NUTF2: variants seen among roughly 807,000 people sequenced by gnomAD.
NUTF2 encodes the protein placental protein 15.
Under a neutral mutation model 18.5 loss-of-function variants are expected in NUTF2, and 3 were observed. The ratio of observed to expected loss-of-function variants is 0.16; its 90% CI spans 0.07 to 0.42. The LOEUF (loss-of-function observed/expected upper bound fraction) is 0.42. Among genes scored for constraint, NUTF2 ranks in the 10% least tolerant of loss-of-function variants. NUTF2 has a pLI of 0.99. For synonymous variants in NUTF2, 51 were observed against 57.9 expected, an observed-to-expected ratio of 0.88 and a Z score of 0.54; for missense variants, 44 against 160.7, an observed-to-expected ratio of 0.27 and a Z score of 3.93.
chr16:67,868,675 T>C, intron 4 of NUTF2, 76 bp downstream of exon 4: 1 of 1,328,632 alleles, frequency 7.5e-7, no homozygotes, highest in Non-Finnish European at 1.1e-6. Context: ...TCCCTGTGGA[T>C]GTGACCTGCT....
intron 1 of NUTF2, among the ~76,000 whole-genome samples, chr16:67,849,188 G>C (rs2057832717): frequency 6.6e-6 from 1 of 152,216 alleles, no homozygotes; most frequent in African/African-American, 2.4e-5. Context: ...CTACCCACAG[G>C]ACAATGAGGT....
chr16:67,856,123 G>T, intron 1 of NUTF2: 1 of 452,444 alleles, frequency 2.2e-6, no homozygotes, highest in Admixed American at 3.4e-5. Flanking sequence ...TGTAACACCT[G>T]ATTTTGTCAC....
In NUTF2 at chr16:67,859,781, C is replaced by T. The variant is rs1833071140; in HGVS notation, c.-29-5321C>T. 1.4e-5 allele frequency among the ~76,000 whole-genome samples: 2 copies of T among 147,212 alleles called. 1 individual carries two copies. Among genetic ancestry groups the T allele is most frequent in the South Asian group, 4.3e-4 (2 of 4,678 alleles). On this transcript the variant is annotated intron_variant, in intron 1 of 4. Transcript: ENST00000219169. ...AAAATGTTGAAATTACAGGCGTGAGCCACTGCGCCAGGCCTTTTTTTTTTT... is the reference window on the plus strand; with the variant it reads ...AAAATGTTGAAATTACAGGCGTGAGTCACTGCGCCAGGCCTTTTTTTTTTT...
At chr16:67,865,041 G>A in intron 1 of NUTF2, 61 bp from the exon 2 acceptor site, 2 of 809,288 alleles carry the variant, frequency 2.5e-6, no homozygotes, top group Admixed American at 4.1e-5. Flanking sequence ...GTGGGGGTCA[G>A]TGGCTGGTCA....
chr16:67,852,972 C>A (rs867968788), intron 1 of NUTF2, among the ~76,000 whole-genome samples: 6 of 152,072 alleles, frequency 3.9e-5, no homozygotes, highest in Admixed American at 1.3e-4. Context: ...CATGAGCCAC[C>A]GCTCCCGGCC....
In NUTF2 at chr16:67,871,602, T is replaced by C. The variant is rs2058013902; in HGVS notation, c.*689T>C. 1 of 152,272 alleles carries C rather than the reference T, an allele frequency of 6.6e-6. No individual in the cohort carries two copies. Among genetic ancestry groups the C allele is most frequent in the Admixed American group, 6.5e-5 (1 of 15,276 alleles). The allele number at this position is 152,272 out of a possible 1,614,324, so 9.4% of individuals were successfully genotyped here. Reference sequence around the variant, plus strand: ...GTGCAGTCAGTTCTGATACCTCCTGTGACTTCTGCTCTGGGTAGGTTCAGG... The same window carrying C: ...GTGCAGTCAGTTCTGATACCTCCTGCGACTTCTGCTCTGGGTAGGTTCAGG... On this transcript the variant is annotated 3_prime_UTR_variant, in exon 5 of 5. Coordinates refer to ENST00000219169, the MANE Select transcript of NUTF2 (RefSeq NM_005796.3).
At chr16:67,854,935 T>C (rs2057884748) in intron 1 of NUTF2, among the ~76,000 whole-genome samples, 1 of 151,586 alleles carries the variant, frequency 6.6e-6, no homozygotes, top group Non-Finnish European at 1.5e-5. Context: ...AAGGGAGATC[T>C]CTGTCTTTAA....
intron 1 of NUTF2, among the ~76,000 whole-genome samples, chr16:67,858,136 A>T (rs1248821116): frequency 6.6e-6 from 1 of 152,184 alleles, no homozygotes; most frequent in Non-Finnish European, 1.5e-5. Flanking sequence ...ACAATACAGG[A>T]GGCAAAATGG....
intron 4 of NUTF2, 60 bp from the exon 5 acceptor site, chr16:67,870,740 C>T: frequency 1.4e-6 from 2 of 1,386,398 alleles, no homozygotes; most frequent in South Asian, 1.2e-5. Flanking sequence ...CTTCTCCTAC[C>T]ACTGAATTCC....
At chr16:67,853,836 G>A (rs1398453870) in intron 1 of NUTF2, among the ~76,000 whole-genome samples, 5 of 151,414 alleles carry the variant, frequency 3.3e-5, no homozygotes, top group Middle Eastern at 3.5e-3. Flanking sequence ...TTGTAGAGAC[G>A]GGATCTCACT....
In NUTF2 at chr16:67,848,664, TC is replaced by T. The variant is rs1279779252; in HGVS notation, c.-30+1681del. Among the ~76,000 whole-genome samples, 4 of 145,762 alleles carry T rather than the reference TC, an allele frequency of 2.7e-5. No individual in the cohort carries two copies. In the East Asian group the frequency reaches 8.1e-4, roughly 29 times the overall value. Reference sequence around the variant, plus strand: ...GGCTGAGGCAGGAGAATCGCTTGAATCCGGGAGGCAGAGGTTGCAGTGGGCA... The same window carrying T: ...GGCTGAGGCAGGAGAATCGCTTGAATCGGGAGGCAGAGGTTGCAGTGGGCA... On this transcript the variant is annotated intron_variant, in intron 1 of 4. Transcript: ENST00000219169.
At chr16:67,855,308 C>T (rs1369801223) in intron 1 of NUTF2, among the ~76,000 whole-genome samples, 2 of 152,334 alleles carry the variant, frequency 1.3e-5, no homozygotes, top group South Asian at 2.1e-4. Context: ...TGGCTGGGAA[C>T]GTGTCTTAGT....
At position 67,870,949 on chromosome 16, in the gene NUTF2, TC is replaced by T. The variant is rs983872216; in HGVS notation, c.*39del. 1 of 1,392,676 alleles carries T rather than the reference TC, an allele frequency of 7.2e-7. No individual in the cohort carries two copies. 86.3% of individuals were successfully genotyped at this position (1,392,676 alleles called of 1,614,324 possible). On this transcript the variant is annotated 3_prime_UTR_variant, in exon 5 of 5. Transcript: ENST00000219169. ...GCTAGGCACTCACGCTGTTTCCTCCTCCCTCCTCTTCCCAATACTATTCCCA... is the reference window on the plus strand; with the variant it reads ...GCTAGGCACTCACGCTGTTTCCTCCTCCTCCTCTTCCCAATACTATTCCCA...
Position 67,868,527 on chromosome 16 carries a change from C to T in NUTF2, c.198C>T (p.His66=). Reference sequence around the variant, plus strand: ...GCCTTCCGTTCCAGAAAATTCAGCACAGCATCACCGCGCAGGACCATCAGC... The same window carrying T: ...GCCTTCCGTTCCAGAAAATTCAGCATAGCATCACCGCGCAGGACCATCAGC... ...LSSLPFQKIQ[H]SITAQDHQPT... The change falls in exon 4 of 5, where the codon CAC becomes CAT. Residue 66 remains histidine, a synonymous_variant. Coordinates refer to ENST00000219169, the MANE Select transcript of NUTF2 (RefSeq NM_005796.3). The T allele has an allele frequency of 6.2e-7, 1 of 1,614,138 alleles. No individual in the cohort carries two copies. Among genetic ancestry groups the T allele is most frequent in the Non-Finnish European group, 8.5e-7 (1 of 1,180,014 alleles).
At chr16:67,862,005 C>T (rs143640238) in intron 1 of NUTF2, among the ~76,000 whole-genome samples, 3 of 151,986 alleles carry the variant, frequency 2.0e-5, no homozygotes, top group East Asian at 1.9e-4. Flanking sequence ...AGCAGGCTCT[C>T]GGTAGGTTCT....
rs148843933 is a variant in NUTF2 at position 67,865,229 on chromosome 16, C to T, written c.99C>T (p.Tyr33=). 22 of 1,606,144 alleles carry T rather than the reference C, an allele frequency of 1.4e-5. No individual in the cohort carries two copies. Among genetic ancestry groups the T allele is most frequent in the Non-Finnish European group, 1.7e-5 (20 of 1,173,000 alleles). Residue 33 remains tyrosine (Y), a splice_region_variant and synonymous_variant, in exon 2 of 5, where the codon TAC becomes TAT. Coordinates refer to ENST00000219169, the MANE Select transcript of NUTF2 (RefSeq NM_005796.3). ...DNDRTQLGAI[Y]IDASCLTWEG... ...ATAGAACCCAACTAGGCGCAATTTA[C>T]GTAAGTTTCCAGCTCTAGGGCCAGA...
chr16:67,870,796 A>G lies in NUTF2; in HGVS notation c.271-4A>G, dbSNP rs778250433. The G allele has an allele frequency of 8.1e-6, 13 of 1,608,366 alleles. No homozygotes were observed. Among genetic ancestry groups the G allele is most frequent in the African/African-American group, 4.0e-5 (3 of 74,750 alleles). On this transcript the variant is annotated splice_polypyrimidine_tract_variant and splice_region_variant and intron_variant, in intron 4 of 4. Coordinates refer to ENST00000219169, the MANE Select transcript of NUTF2 (RefSeq NM_005796.3). ...TTACTGAATCCTCTTTTCTCTCCTC[A>G]TAGGCGGATGAAGACCCCATCATGG...
chr16:67,854,546 CCAATT>C (rs1455335898), intron 1 of NUTF2, among the ~76,000 whole-genome samples: 2 of 152,196 alleles, frequency 1.3e-5, no homozygotes, highest in African/African-American at 4.8e-5. Flanking sequence ...GTTTTAGAAT[CCAATT>C]CAGACCATTT....
intron 1 of NUTF2, chr16:67,855,864 C>A: frequency 2.3e-6 from 1 of 430,962 alleles, no homozygotes. Context: ...GGCTGCATTC[C>A]TTGCCACCCG....
Sources: gnomAD v4.1 joint callset for allele counts (sites outside exome capture counted in the v4.1 genomes callset) on GRCh38, gnomAD v4.1.1 for gene constraint, MANE v1.5 for transcripts, NCBI Gene and HGNC (gene_info 2026-07-23, HGNC 2026-07-21) for gene names.